SULT6B1: variants seen among roughly 807,000 people sequenced by gnomAD.
The protein encoded by SULT6B1 is sulfotransferase family 6B member 1.
Under a neutral mutation model 37.2 loss-of-function variants are expected in SULT6B1, and 44 were observed. The observed-to-expected ratio is 1.18, with a 90% confidence interval of 0.93 to 1.52. The LOEUF (loss-of-function observed/expected upper bound fraction) is 1.52. SULT6B1 is among the 40% of genes most tolerant of loss of function. The pLI is 0.00. For missense variants in SULT6B1, 450 were observed against 361.0 expected, an observed-to-expected ratio of 1.25 and a Z score of -2.00; for synonymous variants, 140 against 126.0, an observed-to-expected ratio of 1.11 and a Z score of -0.74.
intron 1 of SULT6B1, chr2:37,194,543 G>C (rs888579940): frequency 2.5e-6 from 1 of 392,704 alleles, no homozygotes; most frequent in African/African-American, 2.1e-5. Context: ...ATTGAGCCTG[G>C]TATCAATGCA....
intron 2 of SULT6B1, among the ~76,000 whole-genome samples, chr2:37,184,194 A>G (rs2148296635): frequency 6.6e-6 from 1 of 152,366 alleles, no homozygotes; most frequent in Middle Eastern, 3.4e-3. Flanking sequence ...GGTCTTTAAC[A>G]GAAATAGTCA....
chr2:37,184,595 T>C (rs879139721), intron 2 of SULT6B1, among the ~76,000 whole-genome samples: 1 of 152,210 alleles, frequency 6.6e-6, no homozygotes, highest in African/African-American at 2.4e-5. Flanking sequence ...TTCAGATGTT[T>C]GTAGCCAATT....
At chr2:37,184,156 A>G (rs114494685) in intron 2 of SULT6B1, among the ~76,000 whole-genome samples, 3,539 of 152,322 alleles carry the variant, frequency 0.023, 66 homozygotes, top group Middle Eastern at 0.055. Context: ...ACACACTTTC[A>G]CTTAATTTGA....
At chr2:37,168,309 C>A (rs1216328482) in intron 6 of SULT6B1, among the ~76,000 whole-genome samples, 1 of 152,042 alleles carries the variant, frequency 6.6e-6, no homozygotes, top group Admixed American at 6.6e-5. Flanking sequence ...TTACCGGCGC[C>A]CGCCACCACA....
chr2:37,180,148 G>C (rs1182498836), intron 3 of SULT6B1, among the ~76,000 whole-genome samples: 1 of 152,202 alleles, frequency 6.6e-6, no homozygotes, highest in Non-Finnish European at 1.5e-5. Flanking sequence ...AGAACCAAAA[G>C]ATTGCAGAGG....
intron 1 of SULT6B1, 134 bp downstream of exon 1, chr2:37,188,308 T>C (rs561738690): frequency 7.3e-6 from 5 of 683,770 alleles, no homozygotes; most frequent in African/African-American, 7.2e-5. Context: ...ACTTAACCAC[T>C]GTGGCCCTCC....
At chr2:37,168,727 G>A (rs1359003686) in intron 6 of SULT6B1, among the ~76,000 whole-genome samples, 1 of 152,148 alleles carries the variant, frequency 6.6e-6, no homozygotes, top group Non-Finnish European at 1.5e-5. Context: ...TTTTCGTTAA[G>A]ACCTCAGATA....
rs1381358828 is a variant in SULT6B1, at chr2:37,179,483, G to T, written c.504C>A (p.Phe168Leu). 3 of 1,613,814 alleles carry T rather than the reference G, an allele frequency of 1.9e-6. No individual in the cohort carries two copies. Among genetic ancestry groups the T allele is most frequent in the South Asian group, 1.1e-5 (1 of 91,060 alleles). The change falls in exon 4 of 7, where the codon TTC becomes TTA. Residue 168 changes from phenylalanine to leucine, a missense_variant. Phe to Leu is a conservative substitution (Grantham distance 22). Coordinates refer to ENST00000535679, the MANE Select transcript of SULT6B1 (RefSeq NM_001367551.1). ...DIPSYGSWDE[F>L]FRQFMKGQVS... is the part of the protein sequence containing the mutation. ...CTTGTCCTTTCATGAACTGTCTGAA[G>T]AATTCATCCCAAGAGCCATAGCTTG...
chr2:37,179,618 T>TATGTTC (rs752166980), intron 3 of SULT6B1, 34 bp from the exon 4 acceptor site: 10 of 1,597,828 alleles, frequency 6.3e-6, no homozygotes, highest in Non-Finnish European at 8.5e-6. Context: ...TTTATTTGGG[T>TATGTTC]CTATGTTTTG....
intron 5 of SULT6B1, among the ~76,000 whole-genome samples, chr2:37,174,550 C>T (rs1676373353): frequency 2.0e-5 from 3 of 152,044 alleles, no homozygotes; most frequent in Admixed American, 1.3e-4. Context: ...TGCCTGGCCC[C>T]CCAGCATTTT....
At chr2:37,184,062 T>C (rs1676617810) in intron 2 of SULT6B1, among the ~76,000 whole-genome samples, 1 of 152,226 alleles carries the variant, frequency 6.6e-6, no homozygotes, top group African/African-American at 2.4e-5. Flanking sequence ...CATTTCCCAA[T>C]CATTTTTGTA....
chr2:37,172,834 G>GTTTC (rs1160256675), intron 5 of SULT6B1, among the ~76,000 whole-genome samples: 3 of 148,988 alleles, frequency 2.0e-5, no homozygotes, highest in Non-Finnish European at 4.5e-5. Flanking sequence ...TTGTTTGTTT[G>GTTTC]TTTGTTTGTT....
intron 1 of SULT6B1, among the ~76,000 whole-genome samples, chr2:37,193,767 C>T (rs1435022156): frequency 6.6e-6 from 1 of 152,130 alleles, no homozygotes; most frequent in East Asian, 1.9e-4. Flanking sequence ...AAGTGGAGGT[C>T]CCTATGGCCA....
upstream of SULT6B1, among the ~76,000 whole-genome samples, chr2:37,190,762 G>A (rs1200542763): frequency 6.6e-6 from 1 of 152,062 alleles, no homozygotes; most frequent in Non-Finnish European, 1.5e-5. Context: ...CAGGATGCAG[G>A]GTCTGTATGT....
chr2:37,170,445 C>T lies in SULT6B1; in HGVS notation c.781+989G>A, dbSNP rs547027687. On this transcript the variant is annotated intron_variant, in intron 6 of 6. Coordinates refer to ENST00000535679, the MANE Select transcript of SULT6B1 (RefSeq NM_001367551.1). ...TCGCACTACCACACTCCAGCCTGGG[C>T]GACAGAGCAAGACTCTGTCTCAAAA... Among the ~76,000 whole-genome samples the T allele has an allele frequency of 5.3e-5, 8 of 150,694 alleles. No individual in the cohort carries two copies. The South Asian group carries it at 8.4e-4, about 16-fold the overall frequency.
intron 1 of SULT6B1, chr2:37,194,254 A>G (rs1676845836): frequency 5.9e-6 from 1 of 169,460 alleles, no homozygotes; most frequent in Non-Finnish European, 1.2e-5. Flanking sequence ...AATTTTTTGT[A>G]TTTTTAGTAG....
At chr2:37,176,260 C>CTTTTT (rs34578951) in intron 4 of SULT6B1, among the ~76,000 whole-genome samples, 12 of 112,586 alleles carry the variant, frequency 1.1e-4, no homozygotes, top group African/African-American at 1.4e-4. Flanking sequence ...CACGCAATAG[C>CTTTTT]TTTTTTTTTT....
chr2:37,186,316 C>T lies in SULT6B1; in HGVS notation c.312+1039G>A, dbSNP rs115627072. Among the ~76,000 whole-genome samples, 1,306 of 152,244 alleles carry T rather than the reference C, an allele frequency of 8.6e-3. 8 individuals are homozygous for T. Among genetic ancestry groups the T allele is most frequent in the Middle Eastern group, 0.014 (4 of 294 alleles). On this transcript the variant is annotated intron_variant, in intron 2 of 6. Transcript: ENST00000535679. ...CCTTCCCCGCTGCATTCTGGTGTGT[C>T]TAGGAGTGGGGAGAGGCTGTCTTCC...
intron 2 of SULT6B1, 37 bp from the exon 3 acceptor site, chr2:37,183,551 T>G: frequency 5.6e-6 from 8 of 1,422,382 alleles, no homozygotes; most frequent in African/African-American, 1.4e-5. Flanking sequence ...AATGTGCACG[T>G]GTGTGCATGT....
Sources: allele counts gnomAD v4.1 joint callset (sites outside exome capture counted in the v4.1 genomes callset), GRCh38; gene constraint gnomAD v4.1.1; transcripts MANE v1.5; gene names NCBI Gene and HGNC (gene_info 2026-07-23, HGNC 2026-07-21).